Variants in SMAP1 observed in about 807,000 individuals in gnomAD.
The protein encoded by SMAP1 is small ArfGAP 1, also known as stromal membrane-associated protein 1.
A neutral mutation model predicts 58.5 loss-of-function variants in SMAP1; 24 were observed. The ratio of observed to expected loss-of-function variants is 0.41; its 90% CI spans 0.30 to 0.58. SMAP1 has a LOEUF of 0.58. Ranked by LOEUF, SMAP1 falls within the 20% of genes least tolerant of loss-of-function variation. The pLI, the probability that SMAP1 is intolerant of heterozygous loss-of-function variation, is 0.29. For missense variants in SMAP1, 563 were observed against 566.3 expected, an observed-to-expected ratio of 0.99 and a Z score of 0.06; for synonymous variants, 216 against 196.6, an observed-to-expected ratio of 1.10 and a Z score of -0.82.
intron 1 of SMAP1, among the ~76,000 whole-genome samples, chr6:70,686,385 G>C (rs992572132): frequency 6.6e-6 from 1 of 152,166 alleles, no homozygotes; most frequent in African/African-American, 2.4e-5. Flanking sequence ...GAAGAAAATT[G>C]TTTGGAATTT....
intron 1 of SMAP1, among the ~76,000 whole-genome samples, chr6:70,712,444 C>T (rs997918372): frequency 1.3e-5 from 2 of 152,192 alleles, no homozygotes; most frequent in Non-Finnish European, 2.9e-5. Context: ...GAGGGTGATA[C>T]TGGCTTCATA....
chr6:70,857,166 A>G (rs1771461812), intron 9 of SMAP1, 136 bp downstream of exon 9: 1 of 814,736 alleles, frequency 1.2e-6, no homozygotes, highest in African/African-American at 1.7e-5. Flanking sequence ...TACAACTATG[A>G]AGCCGAAATG....
chr6:70,682,354 A>C (rs549145183), intron 1 of SMAP1, among the ~76,000 whole-genome samples: 1 of 150,700 alleles, frequency 6.6e-6, no homozygotes, highest in East Asian at 2.0e-4. Context: ...ACGCCCAGCT[A>C]ACTTTTGTAT....
intron 1 of SMAP1, among the ~76,000 whole-genome samples, chr6:70,676,094 C>G (rs1766470191): frequency 6.6e-6 from 1 of 152,156 alleles, no homozygotes; most frequent in Admixed American, 6.5e-5. Context: ...CATTGCAACT[C>G]AACTGGAAGG....
At position 70,749,603 on chromosome 6, in the gene SMAP1, A is replaced by T. The variant is rs535600467; in HGVS notation, c.253-5377A>T. Among the ~76,000 whole-genome samples, 308 of 152,190 alleles carry T rather than the reference A, an allele frequency of 2.0e-3. 1 individual carries two copies. The highest frequency in any genetic ancestry group is 6.0e-3 in the African/African-American group (251 of 41,534). ...TTTCCCCCACTTACCTCATTTAAAA[A>T]AAAAACAACAACCAGTAAACCTCAA... On this transcript the variant is annotated intron_variant, in intron 2 of 10. Coordinates refer to ENST00000370455, the MANE Select transcript of SMAP1 (RefSeq NM_001044305.3).
At chr6:70,743,586 G>T (rs770154189) in intron 2 of SMAP1, among the ~76,000 whole-genome samples, 14 of 152,212 alleles carry the variant, frequency 9.2e-5, no homozygotes, top group South Asian at 4.1e-4. Context: ...ACAATTCTTG[G>T]TATACATTTA....
At chr6:70,829,355 C>T (rs576212646) in intron 6 of SMAP1, among the ~76,000 whole-genome samples, 1 of 151,932 alleles carries the variant, frequency 6.6e-6, no homozygotes, top group African/African-American at 2.4e-5. Flanking sequence ...TGAAGCGATT[C>T]TCCTACCTCA....
chr6:70,697,819 C>A (rs1307895356), intron 1 of SMAP1, among the ~76,000 whole-genome samples: 1 of 152,282 alleles, frequency 6.6e-6, no homozygotes, highest in African/African-American at 2.4e-5. Flanking sequence ...TTAACTTCAT[C>A]CCCCACACTT....
intron 1 of SMAP1, among the ~76,000 whole-genome samples, chr6:70,696,370 G>GT (rs1466803059): frequency 6.6e-6 from 1 of 151,996 alleles, no homozygotes; most frequent in African/African-American, 2.4e-5. Context: ...CTTTTTTAGT[G>GT]TAAGTGCTTA....
chr6:70,840,160 T>C (rs144972689), intron 7 of SMAP1, among the ~76,000 whole-genome samples: 10 of 152,296 alleles, frequency 6.6e-5, no homozygotes, highest in Admixed American at 5.9e-4. Context: ...CCAGAAAATA[T>C]AGAGAGAACT....
chr6:70,723,060 T>G (rs1768600905), intron 1 of SMAP1, among the ~76,000 whole-genome samples: 1 of 152,234 alleles, frequency 6.6e-6, no homozygotes, highest in South Asian at 2.1e-4. Context: ...GAGTAAACTT[T>G]TATTATATTT....
chr6:70,860,022 TAAAG>T, intron 10 of SMAP1, 174 bp from the exon 11 acceptor site: 1 of 582,368 alleles, frequency 1.7e-6, no homozygotes, highest in Non-Finnish European at 2.7e-6. Flanking sequence ...AGAAAGTAGA[TAAAG>T]AAGGGAACAA....
chr6:70,719,839 T>C (rs2149845813), intron 1 of SMAP1, among the ~76,000 whole-genome samples: 1 of 152,318 alleles, frequency 6.6e-6, no homozygotes, highest in African/African-American at 2.4e-5. Context: ...CATGGTTCAA[T>C]TATCTTGCTC....
intron 1 of SMAP1, among the ~76,000 whole-genome samples, chr6:70,693,682 ACAGGTGGAGAGGC>A (rs1199885624): frequency 8.5e-5 from 13 of 152,234 alleles, no homozygotes; most frequent in Non-Finnish European, 5.9e-5. Flanking sequence ...ATTGATTCTG[ACAGGTGGAGAGGC>A]CAGGTTGGCT....
intron 2 of SMAP1, among the ~76,000 whole-genome samples, chr6:70,738,457 GAAA>G (rs11306206): frequency 0.022 from 2,906 of 132,840 alleles, 105 homozygotes; most frequent in African/African-American, 0.075. Context: ...TTTCTATTAA[GAAA>G]AAAAAAAAAA....
At chr6:70,767,767 G>A (rs1368755147) in intron 3 of SMAP1, among the ~76,000 whole-genome samples, 1 of 138,848 alleles carries the variant, frequency 7.2e-6, no homozygotes, top group East Asian at 2.0e-4. Context: ...AATTGCCCTG[G>A]CCAGAACTTC....
intron 1 of SMAP1, among the ~76,000 whole-genome samples, chr6:70,672,503 T>C (rs1346271335): frequency 6.6e-6 from 1 of 152,242 alleles, no homozygotes; most frequent in African/African-American, 2.4e-5. Context: ...CTGAATCTTT[T>C]ATTGCACTTA....
intron 1 of SMAP1, among the ~76,000 whole-genome samples, chr6:70,706,451 A>G (rs1767840284): frequency 6.6e-6 from 1 of 152,166 alleles, no homozygotes; most frequent in Non-Finnish European, 1.5e-5. Context: ...TATGGAACAG[A>G]CATACCTTAG....
chr6:70,859,257 C>A, intron 10 of SMAP1: 2 of 1,087,572 alleles, frequency 1.8e-6, no homozygotes, highest in Non-Finnish European at 2.6e-6. Context: ...GGTCAACATG[C>A]TGAAGCACAC....
Sources: gnomAD v4.1 joint callset for allele counts (sites outside exome capture counted in the v4.1 genomes callset) on GRCh38, gnomAD v4.1.1 for gene constraint, MANE v1.5 for transcripts, NCBI Gene and HGNC (gene_info 2026-07-23, HGNC 2026-07-21) for gene names.